SUMF1: variants seen among roughly 807,000 people sequenced by gnomAD.
The protein encoded by SUMF1 is formylglycine-generating enzyme.
A neutral mutation model predicts 47.6 loss-of-function variants in SUMF1; 48 were observed. That is an observed-to-expected ratio of 1.01 (90% CI 0.80 to 1.28). The LOEUF is 1.28. Ranked by LOEUF, SUMF1 falls within the 50% of genes most tolerant of loss-of-function variation. The pLI, the probability that SUMF1 is intolerant of heterozygous loss-of-function variation, is 0.00. For synonymous variants in SUMF1, 230 were observed against 192.1 expected, an observed-to-expected ratio of 1.20 and a Z score of -1.63; for missense variants, 571 against 485.4, an observed-to-expected ratio of 1.18 and a Z score of -1.66.
At chr3:4,233,435 C>A (rs1387795823) in intron 8 of SUMF1, among the ~76,000 whole-genome samples, 1 of 152,018 alleles carries the variant, frequency 6.6e-6, no homozygotes, top group Non-Finnish European at 1.5e-5. Flanking sequence ...TTCTCACAAG[C>A]TCTTCTTCCT....
At chr3:4,420,027 G>A (rs756107446) in intron 4 of SUMF1, 37 bp downstream of exon 4, 3 of 1,578,044 alleles carry the variant, frequency 1.9e-6, no homozygotes, top group African/African-American at 1.3e-5. Flanking sequence ...ATTTTGCAAT[G>A]GAACTTGTCA....
At chr3:4,145,191 TAAAAAAAA>T (rs35699553) in intron 8 of SUMF1, among the ~76,000 whole-genome samples, 4 of 90,510 alleles carry the variant, frequency 4.4e-5, no homozygotes, top group East Asian at 3.4e-4. Context: ...AAACTCCGTC[TAAAAAAAA>T]AAAAAAAAAA....
intron 7 of SUMF1, among the ~76,000 whole-genome samples, chr3:4,389,510 T>C (rs1267525899): frequency 6.6e-6 from 1 of 152,238 alleles, no homozygotes; most frequent in African/African-American, 2.4e-5. Flanking sequence ...CTTACCAAAC[T>C]GGAGGTGCTT....
chr3:4,253,667 C>A (rs992535908), intron 8 of SUMF1, among the ~76,000 whole-genome samples: 1 of 151,512 alleles, frequency 6.6e-6, no homozygotes, highest in African/African-American at 2.4e-5. Context: ...AACTGCAAGG[C>A]GGCAGCGAGG....
At chr3:4,077,161 C>T (rs553174858) in intron 8 of SUMF1, among the ~76,000 whole-genome samples, 43 of 152,136 alleles carry the variant, frequency 2.8e-4, no homozygotes, top group East Asian at 3.9e-4. Context: ...AAACAACAGA[C>T]GCTGGAGAGG....
At chr3:4,296,900 ATATAGT>A (rs1420376979) in intron 8 of SUMF1, among the ~76,000 whole-genome samples, 18 of 152,212 alleles carry the variant, frequency 1.2e-4, no homozygotes, top group Non-Finnish European at 5.9e-5. Flanking sequence ...TATTATAATA[ATATAGT>A]TATGTAATGT....
chr3:4,460,197 T>C lies in SUMF1; in HGVS notation c.270+6779A>G, dbSNP rs377098024. On this transcript the variant is annotated intron_variant, in intron 1 of 8. Coordinates refer to ENST00000272902, the MANE Select transcript of SUMF1 (RefSeq NM_182760.4). ...CAGGTACACTATTTTTGTATTTACT[T>C]ATATTTGCAGAACATAGCTCTGAGG... Among the ~76,000 whole-genome samples, 167 of 152,314 alleles carry C rather than the reference T, an allele frequency of 1.1e-3. 3 individuals are homozygous for C. The South Asian group carries it at 0.034, about 31-fold the overall frequency.
chr3:4,208,376 G>T (rs779632729), intron 8 of SUMF1, among the ~76,000 whole-genome samples: 1 of 150,528 alleles, frequency 6.6e-6, no homozygotes, highest in East Asian at 2.0e-4. Context: ...AAAACTTACC[G>T]CTACTTTACT....
At chr3:4,171,590 G>C (rs1433998770) in intron 8 of SUMF1, among the ~76,000 whole-genome samples, 1 of 152,142 alleles carries the variant, frequency 6.6e-6, no homozygotes, top group East Asian at 1.9e-4. Flanking sequence ...AGGAGAATCT[G>C]AATGTAGATG....
intron 8 of SUMF1, among the ~76,000 whole-genome samples, chr3:4,363,109 CCAATA>C (rs1329829824): frequency 6.6e-6 from 1 of 151,932 alleles, no homozygotes; most frequent in Non-Finnish European, 1.5e-5. Flanking sequence ...ATTCAGTATT[CCAATA>C]CAATAAGAAT....
At chr3:4,399,392 C>A (rs1164347648) in intron 7 of SUMF1, among the ~76,000 whole-genome samples, 4 of 152,132 alleles carry the variant, frequency 2.6e-5, no homozygotes, top group African/African-American at 7.2e-5. Context: ...TCTTCCCCCC[C>A]AAACCATTTG....
chr3:4,339,284 C>T (rs1699219831), intron 8 of SUMF1, among the ~76,000 whole-genome samples: 1 of 152,160 alleles, frequency 6.6e-6, no homozygotes, highest in Non-Finnish European at 1.5e-5. Flanking sequence ...GTCCCATTTT[C>T]CTTGTGAGGT....
intron 8 of SUMF1, among the ~76,000 whole-genome samples, chr3:4,164,384 C>T (rs555072830): frequency 6.6e-6 from 1 of 152,266 alleles, no homozygotes; most frequent in Admixed American, 6.5e-5. Context: ...TGGCGCTTAC[C>T]CCAGGCACCC....
intron 8 of SUMF1, among the ~76,000 whole-genome samples, chr3:4,120,799 C>T (rs1303772283): frequency 1.3e-5 from 2 of 152,060 alleles, no homozygotes; most frequent in South Asian, 4.1e-4. Flanking sequence ...GTCAGGAAAA[C>T]ACACAGTTTT....
chr3:4,042,387 A>C (rs1430798812), intron 9 of SUMF1, among the ~76,000 whole-genome samples: 1 of 152,166 alleles, frequency 6.6e-6, no homozygotes, highest in Non-Finnish European at 1.5e-5. Flanking sequence ...ACAGAAGTCC[A>C]TGAAGAGAGG....
At chr3:4,046,321 G>C (rs1015422929) in intron 9 of SUMF1, among the ~76,000 whole-genome samples, 1 of 152,096 alleles carries the variant, frequency 6.6e-6, no homozygotes, top group Non-Finnish European at 1.5e-5. Flanking sequence ...TGGGAGAGAT[G>C]ATCACCAAAC....
At chr3:4,275,156 G>A (rs1238190198) in intron 8 of SUMF1, among the ~76,000 whole-genome samples, 1 of 152,094 alleles carries the variant, frequency 6.6e-6, no homozygotes, top group Non-Finnish European at 1.5e-5. Context: ...GTTGCGCTAT[G>A]AGAAATTAGA....
chr3:4,123,378 C>T (rs795304), intron 8 of SUMF1, among the ~76,000 whole-genome samples: 1 of 151,974 alleles, frequency 6.6e-6, no homozygotes. Flanking sequence ...GAACACTTAA[C>T]AAATATTGAT....
At chr3:4,303,512 C>G in intron 8 of SUMF1, 2 of 1,438,398 alleles carry the variant, frequency 1.4e-6, no homozygotes, top group Non-Finnish European at 1.8e-6. Flanking sequence ...GGGGGCCGCG[C>G]CGGCGCCCTT....
Sources: allele counts gnomAD v4.1 joint callset (sites outside exome capture counted in the v4.1 genomes callset), GRCh38; gene constraint gnomAD v4.1.1; transcripts MANE v1.5; gene names NCBI Gene and HGNC (gene_info 2026-07-23, HGNC 2026-07-21).